SYMPK: variants seen among roughly 807,000 people sequenced by gnomAD.
The protein encoded by SYMPK is symplekin.
Under a neutral mutation model 136.4 loss-of-function variants are expected in SYMPK, and 49 were observed. The ratio of observed to expected loss-of-function variants is 0.36; its 90% CI spans 0.29 to 0.46. SYMPK has a LOEUF of 0.46. Among genes scored for constraint, SYMPK ranks in the 20% least tolerant of loss-of-function variants. SYMPK has a pLI of 1.00. For synonymous variants in SYMPK, 766 were observed against 713.0 expected (o/e 1.07, Z -1.19); for missense variants, 1,365 against 1,690.0 (o/e 0.81, Z 3.37).
Position 45,821,227 on chromosome 19 carries a change from A to AGGAG in SYMPK, c.2893+153_2893+156dup, listed in dbSNP as rs1406688461. 8.6e-6 allele frequency: 6 copies of AGGAG among 701,004 alleles called. No homozygotes were observed. The highest frequency in any genetic ancestry group is 1.3e-5 in the Non-Finnish European group (5 of 386,032). 43.4% of individuals were successfully genotyped at this position (701,004 alleles called of 1,614,324 possible). A position where few individuals can be genotyped will look rare whatever the true frequency, so the allele number is the denominator to read the frequency against. ...GAGGGAGGGAAGAGGAGGCAAGAAAAGGAGGGAGGGAGGGAGGTGGCTCTC... is the reference window on the plus strand; with the variant it reads ...GAGGGAGGGAAGAGGAGGCAAGAAAAGGAGGGAGGGAGGGAGGGAGGTGGCTCTC... On this transcript the variant is annotated intron_variant, in intron 22 of 26. Coordinates refer to ENST00000245934, the MANE Select transcript of SYMPK (RefSeq NM_004819.3). The surrounding 1 kb of genome is among the most constrained non-coding windows in gnomAD (Gnocchi z 4.4).
In SYMPK at chr19:45,830,112, C is replaced by G; in HGVS notation, c.1691G>C (p.Gly564Ala). The change falls in exon 13 of 27, where the codon GGC (glycine) becomes GCC (alanine). Residue 564 changes from glycine to alanine, a missense_variant. Physicochemically the swap from Gly to Ala is moderately conservative, Grantham distance 60 (BLOSUM62 0). Around this residue, in one of 11 missense-constraint regions of SYMPK, gnomAD observed 303 missense variants for 326.6 expected, o/e 0.93. Coordinates refer to ENST00000245934, the MANE Select transcript of SYMPK (RefSeq NM_004819.3). ...TDAQVEAMKL[G>A]AVKRILRAEK... is the part of the protein sequence containing the mutation. Reference sequence around the variant, plus strand: ...AGCCCGCAGGATCCGCTTCACAGCGCCCAGCTTCATGGCTTCCACCTGGGC... The same window carrying G: ...AGCCCGCAGGATCCGCTTCACAGCGGCCAGCTTCATGGCTTCCACCTGGGC... The G allele has an allele frequency of 6.3e-7, 1 of 1,588,152 alleles. No homozygotes were observed. Among genetic ancestry groups the G allele is most frequent in the Non-Finnish European group, 8.6e-7 (1 of 1,165,714 alleles).
intron 9 of SYMPK, 63 bp from the exon 10 acceptor site, chr19:45,838,678 C>T (rs1156239925): frequency 3.0e-5 from 46 of 1,534,540 alleles, no homozygotes; most frequent in Middle Eastern, 1.8e-4. Flanking sequence ...TCCATCCTTC[C>T]GGGGTGCCCG....
chr19:45,831,708 A>G, intron 11 of SYMPK, 120 bp from the exon 12 acceptor site: 1 of 705,672 alleles, frequency 1.4e-6, no homozygotes, highest in East Asian at 2.9e-5. Flanking sequence ...GTTTAAATCC[A>G]CACAACACTG....
rs1037643952 is a variant in SYMPK, at chr19:45,847,779, G to A, written c.649C>T (p.Pro217Ser). 4.3e-6 allele frequency: 7 copies of A among 1,613,850 alleles called. No homozygotes were observed. In the African/African-American group the frequency reaches 6.7e-5, roughly 15 times the overall value. ...TACTGGATGTAGGGGTGGTCACGAG[G>A]GATGCGGTCCAGGCTGATATCATGC... ...QEHDISLDRIPRDHPYIQYNV... is the reference protein window; with the variant it reads ...QEHDISLDRISRDHPYIQYNV... Residue 217 changes from proline (P) to serine (S), a missense_variant, in exon 7 of 27, where the codon CCT (proline) becomes TCT (serine). Pro to Ser is a moderately conservative substitution (Grantham distance 74). Around this residue, in one of 11 missense-constraint regions of SYMPK, gnomAD observed 237 missense variants for 292.9 expected, o/e 0.81. Coordinates refer to ENST00000245934, the MANE Select transcript of SYMPK (RefSeq NM_004819.3).
At chr19:45,841,266 G>A (rs1971427027) in intron 9 of SYMPK, among the ~76,000 whole-genome samples, 1 of 151,060 alleles carries the variant, frequency 6.6e-6, no homozygotes, top group South Asian at 2.1e-4. Context: ...TTACAGGCAT[G>A]AGCCACTGTG....
intron 2 of SYMPK, 57 bp downstream of exon 2, chr19:45,854,334 G>A: frequency 3.1e-6 from 5 of 1,606,670 alleles, no homozygotes; most frequent in Non-Finnish European, 4.3e-6. Context: ...CCTAAACAGG[G>A]ATTGCCAAAG....
At chr19:45,857,890 C>T (rs1234624471) in intron 1 of SYMPK, among the ~76,000 whole-genome samples, 1 of 151,832 alleles carries the variant, frequency 6.6e-6, no homozygotes, top group Non-Finnish European at 1.5e-5. Context: ...CCTCCACCCT[C>T]CCAGGTTCAA....
chr19:45,838,001 A>G (rs1040737999), intron 10 of SYMPK, among the ~76,000 whole-genome samples: 1 of 151,946 alleles, frequency 6.6e-6, no homozygotes, highest in Non-Finnish European at 1.5e-5. Flanking sequence ...TGTAGTCTGG[A>G]TATTTGTTCC....
chr19:45,830,463 T>TA (rs1252215929), intron 12 of SYMPK: 1 of 440,990 alleles, frequency 2.3e-6, no homozygotes, highest in East Asian at 3.8e-5. Context: ...AGGGACAAGA[T>TA]ACACAAATGT....
At position 45,828,136 on chromosome 19, in the gene SYMPK, T is replaced by TC. The variant is rs1600501272; in HGVS notation, c.1986-219dup. 9 of 529,748 alleles carry TC rather than the reference T, an allele frequency of 1.7e-5. No individual in the cohort carries two copies. The East Asian group carries it at 3.0e-4, about 17-fold the overall frequency. The allele number at this position is 529,748 out of a possible 1,614,324, so 32.8% of individuals were successfully genotyped here. A position where few individuals can be genotyped will look rare whatever the true frequency, so the allele number is the denominator to read the frequency against. ...CTGCACCTCTCTGAAACTCATTTCT[T>TC]CCGTTTGTCAAACAGGGATTCCTAA... On this transcript the variant is annotated intron_variant, in intron 14 of 26. Coordinates refer to ENST00000245934, the MANE Select transcript of SYMPK (RefSeq NM_004819.3).
At chr19:45,817,415 C>CTTTTTTTTTTTTTTTTTTTTTTTT (rs1568605953) in intron 23 of SYMPK, among the ~76,000 whole-genome samples, 1 of 100,174 alleles carries the variant, frequency 1.0e-5, no homozygotes, top group African/African-American at 3.9e-5. Context: ...TTTTTTTGTT[C>CTTTTTTTTTTTTTTTTTTTTTTTT]TCTTTTTTTT....
chr19:45,848,900 C>T lies in SYMPK; in HGVS notation c.300-24G>A, dbSNP rs776677124. Reference sequence around the variant, plus strand: ...TGCTGAGGGATGGAGAAAAAAGGGGCGAGGTCAAGGTGTGGTCTTAGAGCA... The same window carrying T: ...TGCTGAGGGATGGAGAAAAAAGGGGTGAGGTCAAGGTGTGGTCTTAGAGCA... On this transcript the variant is annotated intron_variant, in intron 5 of 26. Coordinates refer to ENST00000245934, the MANE Select transcript of SYMPK (RefSeq NM_004819.3). 13 of 1,613,218 alleles carry T rather than the reference C, an allele frequency of 8.1e-6. No homozygotes were observed. In the South Asian group the frequency reaches 9.9e-5, roughly 12 times the overall value.
At chr19:45,828,008 A>G in intron 14 of SYMPK, 90 bp from the exon 15 acceptor site, 1 of 1,181,556 alleles carries the variant, frequency 8.5e-7, no homozygotes, top group Non-Finnish European at 1.3e-6. Context: ...CAGGGCCAGC[A>G]GGCCCTCCCT....
chr19:45,834,458 CAA>C (rs55898165), intron 11 of SYMPK, among the ~76,000 whole-genome samples: 37 of 81,954 alleles, frequency 4.5e-4, no homozygotes, highest in Admixed American at 8.3e-4. Context: ...GACTTTGTCT[CAA>C]AAAAAAAAAA....
Position 45,863,145 on chromosome 19 carries a change from G to T in SYMPK, c.-100C>A. The stretch of plus-strand genomic sequence containing the variant: ...CCGCCGCCGCCGCCATCTTCCGTTC[G>T]TCGCCGGGAACGGTGCGCACGCGCC... On this transcript the variant is annotated 5_prime_UTR_variant, in exon 1 of 27. Transcript: ENST00000245934. 2.5e-6 allele frequency: 1 copy of T among 406,146 alleles called. No homozygotes were observed. The highest frequency in any genetic ancestry group is 3.5e-5 in the East Asian group (1 of 28,320). 25.2% of individuals were successfully genotyped at this position (406,146 alleles called of 1,614,324 possible).
chr19:45,821,624 A>T lies in SYMPK; in HGVS notation c.2792-139T>A. 1.5e-6 allele frequency: 1 copy of T among 651,906 alleles called. No homozygotes were observed. The allele number at this position is 651,906 out of a possible 1,614,324, so 40.4% of individuals were successfully genotyped here. ...TTTCAGGGCTGGAACAGGGGAAGCG[A>T]CTGACAACATAAAAAGGGGACACCG... On this transcript the variant is annotated intron_variant, in intron 21 of 26. Coordinates refer to ENST00000245934, the MANE Select transcript of SYMPK (RefSeq NM_004819.3). This position sits in a 1 kb window ranked among gnomAD's most constrained non-coding sequence, Gnocchi z 4.4.
chr19:45,827,808 G>A (rs778190744), intron 15 of SYMPK, 29 bp downstream of exon 15: 72 of 1,610,130 alleles, frequency 4.5e-5, no homozygotes, highest in East Asian at 3.3e-4. Flanking sequence ...CCCCTGCCCC[G>A]GGCTGCACTG....
intron 1 of SYMPK, among the ~76,000 whole-genome samples, chr19:45,860,498 G>GAGAGAA (rs1568629964): frequency 0.013 from 1,689 of 130,474 alleles, 33 homozygotes; most frequent in African/African-American, 0.046. Flanking sequence ...CACACACAGA[G>GAGAGAA]AGAGAAAGAG....
At chr19:45,840,723 A>C (rs1014750176) in intron 9 of SYMPK, among the ~76,000 whole-genome samples, 7 of 151,876 alleles carry the variant, frequency 4.6e-5, no homozygotes, top group Non-Finnish European at 8.8e-5. Context: ...TTCGCCTGTA[A>C]TTCCAGTTAC....
Sources: gnomAD v4.1 joint callset for allele counts (sites outside exome capture counted in the v4.1 genomes callset) on GRCh38, gnomAD v4.1.1 for gene constraint, gnomAD v4.1.1 regional missense constraint, Gnocchi (gnomAD v3.1) non-coding constraint, MANE v1.5 for transcripts, NCBI Gene and HGNC (gene_info 2026-07-23, HGNC 2026-07-21) for gene names.